The following TANC2 variants were observed in gnomAD, a reference collection of about 807,000 sequenced individuals.
TANC2 encodes tetratricopeptide repeat, ankyrin repeat and coiled-coil containing 2.
Under a neutral mutation model 210.5 loss-of-function variants are expected in TANC2, and 26 were observed. The ratio of observed to expected loss-of-function variants is 0.12; its 90% CI spans 0.09 to 0.17. The LOEUF (loss-of-function observed/expected upper bound fraction) is 0.17. Among genes scored for constraint, TANC2 ranks in the 10% least tolerant of loss-of-function variants. TANC2 has a pLI of 1.00. For synonymous variants in TANC2, 931 were observed against 967.1 expected (o/e 0.96, Z 0.69); for missense variants, 2,129 against 2,608.9 (o/e 0.82, Z 4.01).
chr17:63,316,774 A>C (rs2045326975), intron 10 of TANC2, among the ~76,000 whole-genome samples: 1 of 152,160 alleles, frequency 6.6e-6, no homozygotes, highest in Non-Finnish European at 1.5e-5. Context: ...ATCTTAACCA[A>C]TAGAAGGGTC....
At chr17:63,182,463 G>C (rs946787457) in intron 5 of TANC2, 2 of 283,584 alleles carry the variant, frequency 7.1e-6, no homozygotes, top group Non-Finnish European at 1.4e-5. Flanking sequence ...CTGTAACCCA[G>C]ATGATGCCTT....
At chr17:63,102,627 C>T (rs2037671226) in intron 4 of TANC2, among the ~76,000 whole-genome samples, 1 of 150,950 alleles carries the variant, frequency 6.6e-6, no homozygotes, top group Non-Finnish European at 1.5e-5. Context: ...CCCCCTCCTC[C>T]CTCCCCCCAC....
chr17:63,132,163 A>G (rs115735485), intron 4 of TANC2, among the ~76,000 whole-genome samples: 3 of 152,242 alleles, frequency 2.0e-5, no homozygotes, highest in African/African-American at 7.2e-5. Flanking sequence ...ATTTATTTCT[A>G]TTGAGATTTG....
intron 2 of TANC2, among the ~76,000 whole-genome samples, chr17:63,061,742 T>C (rs1393160742): frequency 6.6e-6 from 1 of 152,168 alleles, no homozygotes; most frequent in Non-Finnish European, 1.5e-5. Flanking sequence ...TTTATCCTTA[T>C]GCTGGACCAT....
chr17:63,252,611 TA>T (rs1192914499), intron 8 of TANC2, among the ~76,000 whole-genome samples: 1 of 152,142 alleles, frequency 6.6e-6, no homozygotes. Context: ...TTTTAATTTT[TA>T]GCTCTCACAT....
chr17:63,423,963 G>C (rs747449297), exon 28 of TANC2: 2 of 152,164 alleles, frequency 1.3e-5, no homozygotes, highest in Non-Finnish European at 2.9e-5. Context: ...TAGCTCTAGC[G>C]GCAACCTCTA....
Position 63,253,254 on chromosome 17 carries a change from A to T in TANC2, c.1034-14494A>T, listed in dbSNP as rs115736387. ...TTTGCCATTTGTATGTCTTGTGAGAAATGTCTATTTTTGCCCATTTTAAAA... is the reference window on the plus strand; with the variant it reads ...TTTGCCATTTGTATGTCTTGTGAGATATGTCTATTTTTGCCCATTTTAAAA... On this transcript the variant is annotated intron_variant, in intron 8 of 27. Coordinates refer to ENST00000689528, the Ensembl canonical transcript of TANC2. Among the ~76,000 whole-genome samples, 619 of 152,256 alleles carry T rather than the reference A, an allele frequency of 4.1e-3. 4 individuals carry two copies. The highest frequency in any genetic ancestry group is 0.014 in the African/African-American group (584 of 41,560).
At chr17:63,194,170 A>G (rs1194280612) in intron 6 of TANC2, 31 bp downstream of exon 6, 2 of 1,601,900 alleles carry the variant, frequency 1.2e-6, no homozygotes, top group African/African-American at 2.7e-5. Context: ...TTTGTGAAAC[A>G]TGGTGTGAAT....
At chr17:63,364,328 T>G (rs757053771) in intron 14 of TANC2, among the ~76,000 whole-genome samples, 4 of 152,190 alleles carry the variant, frequency 2.6e-5, no homozygotes, top group Non-Finnish European at 5.9e-5. Context: ...TGTCAGACCA[T>G]TAGAAGATGG....
chr17:63,388,877 T>G, intron 16 of TANC2, 120 bp downstream of exon 16: 1 of 706,668 alleles, frequency 1.4e-6, no homozygotes, highest in Non-Finnish European at 2.1e-6. Flanking sequence ...AGCCTTTTAT[T>G]GATAATTTAA....
intron 2 of TANC2, among the ~76,000 whole-genome samples, chr17:63,067,605 A>G (rs935570332): frequency 6.6e-6 from 1 of 152,086 alleles, no homozygotes; most frequent in African/African-American, 2.4e-5. Context: ...AGAAAGAAAT[A>G]GGAGATATAT....
chr17:63,010,004 T>C (rs1465638756), intron 2 of TANC2, among the ~76,000 whole-genome samples: 6 of 152,152 alleles, frequency 3.9e-5, no homozygotes, highest in Non-Finnish European at 8.8e-5. Flanking sequence ...CAAAGATTTA[T>C]ACAGAAAGTG....
intron 2 of TANC2, among the ~76,000 whole-genome samples, chr17:63,043,925 T>C (rs1326547409): frequency 6.6e-6 from 1 of 152,144 alleles, no homozygotes; most frequent in Non-Finnish European, 1.5e-5. Context: ...CATCTATCAG[T>C]CATCAAGCCC....
At chr17:63,072,262 G>A (rs923780776) in intron 2 of TANC2, among the ~76,000 whole-genome samples, 3 of 152,038 alleles carry the variant, frequency 2.0e-5, no homozygotes, top group Admixed American at 6.6e-5. Flanking sequence ...TATTTATAGA[G>A]TTGTTTACTT....
intron 2 of TANC2, among the ~76,000 whole-genome samples, chr17:63,037,004 G>C (rs2034999890): frequency 6.6e-6 from 1 of 151,868 alleles, no homozygotes; most frequent in Non-Finnish European, 1.5e-5. Flanking sequence ...CTATGATAAA[G>C]TTTAATTTAT....
intron 9 of TANC2, among the ~76,000 whole-genome samples, chr17:63,302,963 T>C (rs2044771159): frequency 6.6e-6 from 1 of 152,110 alleles, no homozygotes; most frequent in Admixed American, 6.5e-5. Flanking sequence ...AGTTTCGCCA[T>C]GTTGGCCAGG....
At chr17:63,303,936 T>G (rs959623184) in intron 9 of TANC2, among the ~76,000 whole-genome samples, 2 of 151,968 alleles carry the variant, frequency 1.3e-5, no homozygotes, top group African/African-American at 2.4e-5. Context: ...TTCAGCTCCA[T>G]CAGGTCATTT....
chr17:63,237,831 T>A, exon 8 of TANC2: 2 of 1,547,806 alleles, frequency 1.3e-6, no homozygotes, highest in South Asian at 2.4e-5. Context: ...AACAAGCTAT[T>A]CTGAAAATGT....
At chr17:63,221,133 A>G (rs980086849) in intron 7 of TANC2, among the ~76,000 whole-genome samples, 1 of 152,064 alleles carries the variant, frequency 6.6e-6, no homozygotes, top group African/African-American at 2.4e-5. Context: ...TTACTCCTCA[A>G]AAGTTATTAA....
Sources: gnomAD v4.1 joint callset for allele counts (sites outside exome capture counted in the v4.1 genomes callset) on GRCh38, gnomAD v4.1.1 for gene constraint, MANE v1.5 for transcripts, NCBI Gene and HGNC (gene_info 2026-07-23, HGNC 2026-07-21) for gene names.